Variants in TTC17 observed in about 807,000 individuals in gnomAD.
The protein encoded by TTC17 is tetratricopeptide repeat protein 17.
In TTC17, 58 loss-of-function variants were observed where a neutral mutation model predicts 143.8. That is an observed-to-expected ratio of 0.40 (90% CI 0.33 to 0.50). The LOEUF (loss-of-function observed/expected upper bound fraction) is 0.50. TTC17 is among the 20% of genes least tolerant of loss of function. TTC17 has a pLI of 0.49. For synonymous variants in TTC17, 501 were observed against 497.8 expected (o/e 1.01, Z -0.09); for missense variants, 1,273 against 1,392.5 (o/e 0.91, Z 1.37).
intron 21 of TTC17, among the ~76,000 whole-genome samples, chr11:43,469,047 T>C (rs1164670102): frequency 6.6e-6 from 1 of 152,204 alleles, no homozygotes. Flanking sequence ...ACAACGCAAT[T>C]TTTTAAAGGT....
chr11:43,450,330 T>C, intron 20 of TTC17, 89 bp downstream of exon 20: 1 of 1,395,662 alleles, frequency 7.2e-7, no homozygotes. Context: ...TGACCGGGCC[T>C]TTTAAAAAAA....
intron 21 of TTC17, among the ~76,000 whole-genome samples, chr11:43,487,234 C>T (rs1453081355): frequency 1.3e-5 from 2 of 152,148 alleles, no homozygotes; most frequent in East Asian, 1.9e-4. Flanking sequence ...CAACCTCCTC[C>T]TCCCGGGTTC....
intron 15 of TTC17, among the ~76,000 whole-genome samples, chr11:43,408,039 A>G (rs542484019): frequency 4.6e-5 from 7 of 152,180 alleles, no homozygotes; most frequent in Non-Finnish European, 7.3e-5. Context: ...TCATGCCCCA[A>G]ACCTCTCACA....
chr11:43,426,389 C>G (rs1947028243), intron 16 of TTC17, among the ~76,000 whole-genome samples: 1 of 152,238 alleles, frequency 6.6e-6, no homozygotes, highest in Admixed American at 6.5e-5. Context: ...ATAATATCAT[C>G]ATGTGCTTTT....
chr11:43,370,050 C>G (rs776727014), intron 1 of TTC17: 13 of 453,770 alleles, frequency 2.9e-5, no homozygotes, highest in Non-Finnish European at 5.3e-5. Context: ...AGTAAAAGAT[C>G]TGTTTATATT....
chr11:43,442,056 G>A (rs1040537528), intron 16 of TTC17, among the ~76,000 whole-genome samples: 3 of 152,250 alleles, frequency 2.0e-5, no homozygotes, highest in Non-Finnish European at 2.9e-5. Context: ...GCACTCCCGC[G>A]TTATATTGTG....
At chr11:43,445,046 G>A (rs951960067) in intron 18 of TTC17, among the ~76,000 whole-genome samples, 1 of 152,092 alleles carries the variant, frequency 6.6e-6, no homozygotes, top group African/African-American at 2.4e-5. Flanking sequence ...ATAAAAATTT[G>A]TAAACAACAT....
intron 6 of TTC17, chr11:43,397,027 C>T (rs1328613256): frequency 2.2e-6 from 1 of 462,652 alleles, no homozygotes; most frequent in African/African-American, 2.0e-5. Context: ...TTTCCATTTC[C>T]ATTAAGGAAA....
intron 15 of TTC17, among the ~76,000 whole-genome samples, chr11:43,413,450 A>G (rs1445825282): frequency 2.0e-5 from 3 of 152,240 alleles, no homozygotes; most frequent in Non-Finnish European, 4.4e-5. Flanking sequence ...AAAAAGCACT[A>G]ATTATAAAAG....
At chr11:43,471,120 A>C (rs1193165067) in intron 21 of TTC17, among the ~76,000 whole-genome samples, 4 of 152,172 alleles carry the variant, frequency 2.6e-5, no homozygotes, top group African/African-American at 9.7e-5. Flanking sequence ...CTATCAGAAC[A>C]TTCAGGACGC....
intron 16 of TTC17, among the ~76,000 whole-genome samples, chr11:43,415,158 A>G (rs1220609909): frequency 6.6e-6 from 1 of 152,174 alleles, no homozygotes; most frequent in Non-Finnish European, 1.5e-5. Context: ...GTTCTTCTAT[A>G]TACTCAGTCA....
In TTC17 at chr11:43,492,015, C is replaced by T. The variant is rs753844896; in HGVS notation, c.3151-5C>T. 4.3e-6 allele frequency: 7 copies of T among 1,613,028 alleles called. No homozygotes were observed. Among genetic ancestry groups the T allele is most frequent in the South Asian group, 1.1e-5 (1 of 90,754 alleles). Reference sequence around the variant, plus strand: ...CCCTTCTCACCATTCTCCTTCTTCTCCCAGGATGTGCCCCTGATTAGCCTG... The same window carrying T: ...CCCTTCTCACCATTCTCCTTCTTCTTCCAGGATGTGCCCCTGATTAGCCTG... On this transcript the variant is annotated splice_polypyrimidine_tract_variant and splice_region_variant and intron_variant, in intron 22 of 23. Transcript: ENST00000039989.
intron 1 of TTC17, among the ~76,000 whole-genome samples, chr11:43,372,482 T>TTTCA (rs1554983136): frequency 6.9e-6 from 1 of 145,854 alleles, no homozygotes; most frequent in Non-Finnish European, 1.5e-5. Flanking sequence ...TATTTTTATT[T>TTTCA]TTTATTTATT....
chr11:43,476,783 G>A (rs1029610164), intron 21 of TTC17, among the ~76,000 whole-genome samples: 12 of 152,274 alleles, frequency 7.9e-5, no homozygotes, highest in East Asian at 1.9e-4. Flanking sequence ...AGGGGCTGCC[G>A]TGAAGTTCTC....
chr11:43,439,410 A>G (rs1425696309), intron 16 of TTC17, among the ~76,000 whole-genome samples: 1 of 151,762 alleles, frequency 6.6e-6, no homozygotes, highest in South Asian at 2.1e-4. Context: ...GAACATTACA[A>G]GCTTCTTTTT....
At chr11:43,413,038 A>C (rs2134617853) in intron 15 of TTC17, among the ~76,000 whole-genome samples, 1 of 149,800 alleles carries the variant, frequency 6.7e-6, no homozygotes, top group East Asian at 2.0e-4. Flanking sequence ...AAATGGGGGC[A>C]GGGTGATGGG....
Position 43,407,140 on chromosome 11 carries a change from T to C in TTC17, c.1764T>C (p.Ile588=), listed in dbSNP as rs922133370. 6.4e-7 allele frequency: 1 copy of C among 1,570,078 alleles called. No individual in the cohort carries two copies. Among genetic ancestry groups the C allele is most frequent in the Admixed American group, 2.0e-5 (1 of 49,772 alleles). The part of the protein sequence containing the change: ...AKMPDDHARK[I]LLSRINNYTI... Reference sequence around the variant, plus strand: ...CAGTCTTCCTTTTGATGTTTCAGATTTTGCTTTCCCGTATTAATAACTATA... The same window carrying C: ...CAGTCTTCCTTTTGATGTTTCAGATCTTGCTTTCCCGTATTAATAACTATA... The change falls in exon 14 of 24, where the codon ATT becomes ATC. Residue 588 remains isoleucine, a splice_region_variant and synonymous_variant. Transcript: ENST00000039989.
intron 2 of TTC17, among the ~76,000 whole-genome samples, chr11:43,380,506 C>T (rs1284415566): frequency 1.3e-5 from 2 of 152,150 alleles, no homozygotes; most frequent in South Asian, 2.1e-4. Context: ...CTGCCCACCT[C>T]GGCCTCCCAA....
chr11:43,422,487 C>T (rs987943353), intron 16 of TTC17, among the ~76,000 whole-genome samples: 2 of 151,922 alleles, frequency 1.3e-5, no homozygotes, highest in Admixed American at 1.3e-4. Flanking sequence ...TCAATAATTA[C>T]TATAAAAAGG....
Sources: gnomAD v4.1 joint callset for allele counts (sites outside exome capture counted in the v4.1 genomes callset) on GRCh38, gnomAD v4.1.1 for gene constraint, MANE v1.5 for transcripts, NCBI Gene and HGNC (gene_info 2026-07-23, HGNC 2026-07-21) for gene names.